CPNE2: variants seen among roughly 807,000 people sequenced by gnomAD.
CPNE2 encodes copine 2.
In CPNE2, 42 loss-of-function variants were observed where a neutral mutation model predicts 69.7. That is an observed-to-expected ratio of 0.60 (90% CI 0.47 to 0.78). The LOEUF (loss-of-function observed/expected upper bound fraction) is 0.78. CPNE2 is among the 30% of genes least tolerant of loss of function. The probability of loss-of-function intolerance (pLI) is 0.00; values close to 1 mark genes in which losing one functional copy is unlikely to be tolerated. For synonymous variants in CPNE2, 294 were observed against 289.8 expected (o/e 1.01, Z -0.15); for missense variants, 587 against 732.0 (o/e 0.80, Z 2.29).
intron 1 of CPNE2, among the ~76,000 whole-genome samples, chr16:57,104,952 A>G (rs987745859): frequency 6.6e-6 from 1 of 152,158 alleles, no homozygotes; most frequent in African/African-American, 2.4e-5. Flanking sequence ...GGAAGTGGGG[A>G]CAGGTCAGGC....
At chr16:57,101,535 A>G (rs1395887923) in intron 1 of CPNE2, among the ~76,000 whole-genome samples, 13 of 152,328 alleles carry the variant, frequency 8.5e-5, no homozygotes, top group Admixed American at 7.8e-4. Flanking sequence ...ACCTGGCTGG[A>G]AGCTCGGTGT....
chr16:57,147,782 C>A lies in CPNE2; in HGVS notation c.*124C>A. 1 of 550,046 alleles carries A rather than the reference C, an allele frequency of 1.8e-6. No homozygotes were observed. The highest frequency in any genetic ancestry group is 3.8e-5 in the Admixed American group (1 of 26,258). The allele number at this position is 550,046 out of a possible 1,614,324, so 34.1% of individuals were successfully genotyped here. On this transcript the variant is annotated 3_prime_UTR_variant, in exon 16 of 16. Transcript: ENST00000290776. The stretch of plus-strand genomic sequence containing the variant: ...GATCCCCTTTTTTATTTTTTACAAC[C>A]GGACCTCCACCCCCAACTTCCTCCA...
At chr16:57,115,608 C>A (rs2145251588) in intron 4 of CPNE2, 58 bp downstream of exon 4, 5 of 1,234,368 alleles carry the variant, frequency 4.1e-6, no homozygotes, top group Middle Eastern at 2.0e-4. Flanking sequence ...CACCCTCCCC[C>A]ATCAATGGGC....
At position 57,130,208 on chromosome 16, in the gene CPNE2, G is replaced by A. The variant is rs1349289537; in HGVS notation, c.1116+2305G>A. 3.9e-5 allele frequency among the ~76,000 whole-genome samples: 6 copies of A among 151,984 alleles called. No homozygotes were observed. Among genetic ancestry groups the A allele is most frequent in the Middle Eastern group, 3.4e-3 (1 of 294 alleles). On this transcript the variant is annotated intron_variant, in intron 12 of 15. Coordinates refer to ENST00000290776, the MANE Select transcript of CPNE2 (RefSeq NM_152727.6). The surrounding 1 kb of genome is among the most constrained non-coding windows in gnomAD (Gnocchi z 4.1). The stretch of plus-strand genomic sequence containing the variant: ...AGCCTGGCCAACATGGTGAAACCCC[G>A]TCTCTACTAAAAATACAAAAATTAG...
intron 7 of CPNE2, among the ~76,000 whole-genome samples, chr16:57,119,980 C>G (rs1204685846): frequency 6.6e-6 from 1 of 152,198 alleles, no homozygotes; most frequent in East Asian, 1.9e-4. Context: ...TCTAAAAGCT[C>G]TCAGTCCTCT....
rs753159239 is a variant in CPNE2 at position 57,147,670 on chromosome 16, C to T, written c.*12C>T. ...CGGAGCCCGCCTGAGCTCCAGTGCC[C>T]AGCAGCAGCATGTCAGCTGAGCCTC... On this transcript the variant is annotated 3_prime_UTR_variant, in exon 16 of 16. Coordinates refer to ENST00000290776, the MANE Select transcript of CPNE2 (RefSeq NM_152727.6). 2 of 1,578,282 alleles carry T rather than the reference C, an allele frequency of 1.3e-6. No individual in the cohort carries two copies. The highest frequency in any genetic ancestry group is 1.1e-5 in the South Asian group (1 of 87,218).
At chr16:57,111,099 T>G (rs2069678685) in intron 2 of CPNE2, among the ~76,000 whole-genome samples, 177 bp downstream of exon 2, 1 of 106,528 alleles carries the variant, frequency 9.4e-6, no homozygotes, top group African/African-American at 5.3e-5. Flanking sequence ...TTAAATATAT[T>G]TAAAATATTA....
At chr16:57,098,955 T>C (rs2069595851) in intron 1 of CPNE2, among the ~76,000 whole-genome samples, 1 of 152,224 alleles carries the variant, frequency 6.6e-6, no homozygotes, top group Admixed American at 6.5e-5. Context: ...TTTTTTGTTT[T>C]TTGTTTTACC....
chr16:57,117,637 C>G lies in CPNE2; in HGVS notation c.507+70C>G. On this transcript the variant is annotated intron_variant, in intron 5 of 15. Transcript: ENST00000290776. ...CACCAGCCCCAGGGCTGTGTGGCCT[C>G]ATTCCGGGACCTCGGGCCACCACCT... The G allele has an allele frequency of 3.2e-6, 5 of 1,547,954 alleles. No individual in the cohort carries two copies. In the Admixed American group the frequency reaches 8.9e-5, roughly 28 times the overall value.
intron 1 of CPNE2, chr16:57,094,020 G>C (rs573897443): frequency 9.6e-5 from 44 of 456,582 alleles, no homozygotes; most frequent in Middle Eastern, 6.5e-4. Context: ...TGATGTTCCG[G>C]GGCCTGCCTC....
chr16:57,099,851 C>T (rs2069602376), intron 1 of CPNE2, among the ~76,000 whole-genome samples: 1 of 149,568 alleles, frequency 6.7e-6, no homozygotes, highest in African/African-American at 2.5e-5. Context: ...TCTCGGCTCA[C>T]TGCAACCTCT....
At chr16:57,117,221 G>A (rs1336698572) in intron 4 of CPNE2, among the ~76,000 whole-genome samples, 1 of 152,142 alleles carries the variant, frequency 6.6e-6, no homozygotes, top group Non-Finnish European at 1.5e-5. Context: ...CCGGTGTCTG[G>A]TCCTTGCTTC....
At chr16:57,114,934 CAAAAAAAA>C (rs55845635) in intron 3 of CPNE2, among the ~76,000 whole-genome samples, 9 of 39,050 alleles carry the variant, frequency 2.3e-4, no homozygotes, top group African/African-American at 4.4e-4. Flanking sequence ...TTGTCTCTAC[CAAAAAAAA>C]AAAAAAAAAA....
chr16:57,146,350 C>T lies in CPNE2; in HGVS notation c.1539+29C>T, dbSNP rs1478982189. 1.0e-5 allele frequency: 15 copies of T among 1,507,314 alleles called. No individual in the cohort carries two copies. The highest frequency in any genetic ancestry group is 8.3e-5 in the African/African-American group (6 of 72,394). 93.4% of individuals were successfully genotyped at this position (1,507,314 alleles called of 1,614,324 possible). A position where few individuals can be genotyped will look rare whatever the true frequency, so the allele number is the denominator to read the frequency against. On this transcript the variant is annotated intron_variant, in intron 15 of 15. Transcript: ENST00000290776. The surrounding 1 kb of genome is among the most constrained non-coding windows in gnomAD (Gnocchi z 4.4). Reference sequence around the variant, plus strand: ...AGTGTGGGCCTGGGCTGGGAGGGGGCGGTTACAGGATCCCAGCCACCATAG... The same window carrying T: ...AGTGTGGGCCTGGGCTGGGAGGGGGTGGTTACAGGATCCCAGCCACCATAG...
At chr16:57,099,904 T>A (rs2069602766) in intron 1 of CPNE2, among the ~76,000 whole-genome samples, 1 of 150,742 alleles carries the variant, frequency 6.6e-6, no homozygotes, top group Non-Finnish European at 1.5e-5. Context: ...GCCTCCCGAA[T>A]AGCTGGGACT....
rs544582098 is a variant in CPNE2, at chr16:57,146,801, C to T, written c.1539+480C>T. ...GGAGAATGGTGTCCCCAGCCTTGTT[C>T]CTGGAAGTGGCTCTGGCTTTATTTG... On this transcript the variant is annotated intron_variant, in intron 15 of 15. Transcript: ENST00000290776. The surrounding 1 kb of genome is among the most constrained non-coding windows in gnomAD (Gnocchi z 4.4). 6.0e-6 allele frequency: 1 copy of T among 167,888 alleles called. No individual in the cohort carries two copies. Among genetic ancestry groups the T allele is most frequent in the East Asian group, 1.8e-4 (1 of 5,442 alleles). 10.4% of individuals were successfully genotyped at this position (167,888 alleles called of 1,614,324 possible).
At chr16:57,099,217 C>T (rs112168024) in intron 1 of CPNE2, among the ~76,000 whole-genome samples, 2 of 152,192 alleles carry the variant, frequency 1.3e-5, no homozygotes, top group African/African-American at 4.8e-5. Flanking sequence ...ATGACATACT[C>T]CTTTCTCTCT....
intron 4 of CPNE2, 99 bp from the exon 5 acceptor site, chr16:57,117,397 C>A: frequency 8.1e-7 from 1 of 1,238,352 alleles, no homozygotes; most frequent in Non-Finnish European, 1.2e-6. Flanking sequence ...TCCCTTCCCC[C>A]TCCTAGCCCT....
intron 1 of CPNE2, chr16:57,105,923 A>C (rs946365919): frequency 6.6e-6 from 1 of 152,264 alleles, no homozygotes; most frequent in Non-Finnish European, 1.5e-5. Flanking sequence ...CATCGTGCCC[A>C]GATGCGCATG....
Sources: allele counts gnomAD v4.1 joint callset (sites outside exome capture counted in the v4.1 genomes callset), GRCh38; gene constraint gnomAD v4.1.1; non-coding constraint Gnocchi (gnomAD v3.1); transcripts MANE v1.5; gene names NCBI Gene and HGNC (gene_info 2026-07-23, HGNC 2026-07-21).